Variants in CNTNAP4 observed in about 807,000 individuals in gnomAD.
CNTNAP4 encodes contactin associated protein family member 4.
CNTNAP4 carries 98 observed loss-of-function variants against 148.4 expected under a neutral mutation model. The observed-to-expected ratio is 0.66, with a 90% CI of 0.56 to 0.78. The LOEUF (loss-of-function observed/expected upper bound fraction) is 0.78, where lower values mean the gene tolerates loss of function less well. Among genes scored for constraint, CNTNAP4 ranks in the 30% least tolerant of loss-of-function variants. The pLI is 0.00. For synonymous variants in CNTNAP4, 730 were observed against 565.1 expected (o/e 1.29, Z -4.14); for missense variants, 1,935 against 1,565.6 (o/e 1.24, Z -3.98).
At chr16:76,316,611 T>C (rs1253246677) in intron 2 of CNTNAP4, 88 bp downstream of exon 2, 3 of 844,246 alleles carry the variant, frequency 3.6e-6, no homozygotes, top group East Asian at 2.6e-5. Context: ...GAATGATACA[T>C]GGTAAAAGAA....
intron 13 of CNTNAP4, among the ~76,000 whole-genome samples, chr16:76,490,352 GAC>G (rs2082171052): frequency 6.6e-6 from 1 of 152,192 alleles, no homozygotes; most frequent in African/African-American, 2.4e-5. Context: ...GGCTGCCAGA[GAC>G]ACAGTTGATT....
chr16:76,479,223 T>A (rs1206972848), intron 11 of CNTNAP4, among the ~76,000 whole-genome samples, 196 bp from the exon 12 acceptor site: 3 of 152,144 alleles, frequency 2.0e-5, no homozygotes, highest in African/African-American at 4.8e-5. Context: ...AATCAACTTC[T>A]TTTTTTGCTA....
chr16:76,434,380 A>G (rs1414741588), intron 4 of CNTNAP4, among the ~76,000 whole-genome samples: 1 of 152,186 alleles, frequency 6.6e-6, no homozygotes, highest in Non-Finnish European at 1.5e-5. Flanking sequence ...ATGGACAGGA[A>G]TGGAGAAAAA....
chr16:76,403,611 A>G (rs952034743), intron 3 of CNTNAP4, among the ~76,000 whole-genome samples: 1 of 152,186 alleles, frequency 6.6e-6, no homozygotes, highest in Non-Finnish European at 1.5e-5. Flanking sequence ...GTCTAAATTA[A>G]TTCAACCATT....
chr16:76,361,026 C>T (rs2013367812), intron 3 of CNTNAP4, among the ~76,000 whole-genome samples: 1 of 151,574 alleles, frequency 6.6e-6, no homozygotes, highest in Non-Finnish European at 1.5e-5. Flanking sequence ...GGTTTCACCA[C>T]GTTAGCCAGG....
At position 76,475,927 on chromosome 16, in the gene CNTNAP4, A is replaced by C; in HGVS notation, c.1656-12A>C. The C allele has an allele frequency of 6.3e-7, 1 of 1,596,368 alleles. No homozygotes were observed. Among genetic ancestry groups the C allele is most frequent in the Non-Finnish European group, 8.6e-7 (1 of 1,164,046 alleles). ...AATGGAAACTGGTGATTGTATCTGC[A>C]CCTTCTTTTAGGTGTTTGCCCAACT... On this transcript the variant is annotated splice_polypyrimidine_tract_variant and intron_variant, in intron 10 of 23. Transcript: ENST00000611870.
intron 20 of CNTNAP4, among the ~76,000 whole-genome samples, chr16:76,540,249 A>G (rs2084392237): frequency 6.6e-6 from 1 of 152,152 alleles, no homozygotes; most frequent in Non-Finnish European, 1.5e-5. Context: ...GGAATTATTC[A>G]TGGAGCCAGT....
chr16:76,508,960 C>T lies in CNTNAP4; in HGVS notation c.2365+10266C>T, dbSNP rs1240661476. On this transcript the variant is annotated intron_variant, in intron 15 of 23. Coordinates refer to ENST00000611870, the MANE Select transcript of CNTNAP4 (RefSeq NM_033401.5). ...TAGAGACGTGGTTTCACCATGTTAG[C>T]CAGGATGGTCTCGATCTCCTGACCT... Among the ~76,000 whole-genome samples the T allele has an allele frequency of 1.5e-4, 14 of 95,042 alleles. 6 individuals carry two copies. Among genetic ancestry groups the T allele is most frequent in the Non-Finnish European group, 8.9e-5 (3 of 33,674 alleles). 62.4% of individuals were successfully genotyped at this position (95,042 alleles called of 152,430 possible). A position where few individuals can be genotyped will look rare whatever the true frequency, so the allele number is the denominator to read the frequency against.
chr16:76,417,129 A>G (rs181907373), intron 3 of CNTNAP4, among the ~76,000 whole-genome samples: 14 of 151,548 alleles, frequency 9.2e-5, no homozygotes, highest in Middle Eastern at 6.8e-3. Context: ...CTTGTAGACA[A>G]CATAGCTGGG....
At chr16:76,406,497 C>G (rs768239942) in intron 3 of CNTNAP4, among the ~76,000 whole-genome samples, 2 of 151,874 alleles carry the variant, frequency 1.3e-5, no homozygotes, top group Non-Finnish European at 2.9e-5. Context: ...CTAGAAATGA[C>G]TGCACTTAGG....
intron 1 of CNTNAP4, 87 bp downstream of exon 1, chr16:76,277,834 C>A: frequency 1.2e-6 from 1 of 846,636 alleles, no homozygotes; most frequent in Non-Finnish European, 1.9e-6. Flanking sequence ...TTATTTGCAG[C>A]TGGGATTGCT....
At chr16:76,515,802 A>T (rs1489002984) in intron 15 of CNTNAP4, among the ~76,000 whole-genome samples, 5 of 150,106 alleles carry the variant, frequency 3.3e-5, no homozygotes, top group Admixed American at 6.7e-5. Context: ...ACTAAGATTT[A>T]AAAAAAAAAT....
At chr16:76,279,735 A>T (rs1183581725) in intron 1 of CNTNAP4, among the ~76,000 whole-genome samples, 3 of 152,250 alleles carry the variant, frequency 2.0e-5, no homozygotes, top group Non-Finnish European at 4.4e-5. Flanking sequence ...AAATGACCTT[A>T]TATAATTAAA....
rs540170406 is a variant in CNTNAP4, at chr16:76,445,330, C to T, written c.539-2682C>T. Among the ~76,000 whole-genome samples, 319 of 152,206 alleles carry T rather than the reference C, an allele frequency of 2.1e-3. 2 individuals are homozygous for T. The highest frequency in any genetic ancestry group is 7.4e-3 in the African/African-American group (307 of 41,526). On this transcript the variant is annotated intron_variant, in intron 4 of 23. Transcript: ENST00000611870. ...TTTTATGAACTTAGTTGTTTACTTG[C>T]TAAATATTGTCTGTCTTCACTAAAT...
rs17699441 is a variant in CNTNAP4, at chr16:76,385,317, C to T, written c.390+29806C>T. On this transcript the variant is annotated intron_variant, in intron 3 of 23. Coordinates refer to ENST00000611870, the MANE Select transcript of CNTNAP4 (RefSeq NM_033401.5). ...CTGAACCATTGCTATGCTATGTCAT[C>T]TCACAGGGACTGCCTTAGGAGGGAC... Among the ~76,000 whole-genome samples, 2,516 of 152,232 alleles carry T rather than the reference C, an allele frequency of 0.017. 200 individuals carry two copies. In the East Asian group the frequency reaches 0.26, roughly 16 times the overall value.
chr16:76,400,752 C>T (rs2078380051), intron 3 of CNTNAP4, among the ~76,000 whole-genome samples: 1 of 152,140 alleles, frequency 6.6e-6, no homozygotes, highest in South Asian at 2.1e-4. Flanking sequence ...CGGTTTTCTA[C>T]TTATGGCTAG....
intron 3 of CNTNAP4, among the ~76,000 whole-genome samples, chr16:76,387,121 A>C (rs1453277197): frequency 6.6e-6 from 1 of 152,302 alleles, no homozygotes; most frequent in South Asian, 2.1e-4. Flanking sequence ...TTTGGACCAC[A>C]GAACTGTAAG....
At chr16:76,490,984 TA>T (rs1322693850) in intron 13 of CNTNAP4, among the ~76,000 whole-genome samples, 7 of 152,194 alleles carry the variant, frequency 4.6e-5, no homozygotes, top group Non-Finnish European at 1.0e-4. Context: ...CGTATAGAAA[TA>T]GCATATGTCA....
intron 3 of CNTNAP4, among the ~76,000 whole-genome samples, chr16:76,409,474 C>G (rs753406696): frequency 6.6e-5 from 10 of 151,808 alleles, no homozygotes; most frequent in Non-Finnish European, 1.5e-4. Flanking sequence ...ATCTAAACTG[C>G]GTTGAAATAG....
Sources: gnomAD v4.1 joint callset for allele counts (sites outside exome capture counted in the v4.1 genomes callset) on GRCh38, gnomAD v4.1.1 for gene constraint, MANE v1.5 for transcripts, NCBI Gene and HGNC (gene_info 2026-07-23, HGNC 2026-07-21) for gene names.